Variants in CASD1 observed in about 807,000 individuals in gnomAD.
CASD1 encodes CAS1 domain sialic acid O acetyltransferase 1, also known as N-acetylneuraminate (7)9-O-acetyltransferase.
CASD1 carries 41 observed loss-of-function variants against 100.0 expected under a neutral mutation model. The ratio of observed to expected loss-of-function variants is 0.41; its 90% CI spans 0.32 to 0.53. CASD1 has a LOEUF of 0.53. CASD1 is among the 20% of genes least tolerant of loss of function. CASD1 has a pLI of 0.25. For missense variants in CASD1, 774 were observed against 948.7 expected (o/e 0.82, Z 2.42); for synonymous variants, 321 against 315.6 (o/e 1.02, Z -0.18).
At chr7:94,563,561 A>G in the CASD1 span, among the ~76,000 whole-genome samples, 1 of 152,080 alleles carries the variant, frequency 6.6e-6, no homozygotes, top group African/African-American at 2.4e-5. Context: ...CTAATTTTGC[A>G]AACACTTTTC....
Position 94,551,332 on chromosome 7 carries a change from T to C in CASD1, c.1816-6T>C. ...TTAAAACAAATTTTCTCTCTTTACTTTTCAGGTAGTTTTCCACGGAATGCT... is the reference window on the plus strand; with the variant it reads ...TTAAAACAAATTTTCTCTCTTTACTCTTCAGGTAGTTTTCCACGGAATGCT... On this transcript the variant is annotated splice_region_variant and splice_polypyrimidine_tract_variant and intron_variant, in intron 14 of 17. Coordinates refer to ENST00000297273, the MANE Select transcript of CASD1 (RefSeq NM_022900.5). 4.6e-6 allele frequency: 7 copies of C among 1,535,554 alleles called. No individual in the cohort carries two copies. The highest frequency in any genetic ancestry group is 6.1e-6 in the Non-Finnish European group (7 of 1,151,502).
In CASD1 at chr7:94,515,264, AC is replaced by A. The variant is rs1793919446; in HGVS notation, c.134-2295del. The stretch of plus-strand genomic sequence containing the variant: ...ATTTCAGATACAAGCCTTGTAAAAA[AC>A]ATCTTTGTGTTATGAAATATGTTAA... On this transcript the variant is annotated intron_variant, in intron 1 of 17. Transcript: ENST00000297273. Among the ~76,000 whole-genome samples, 3 of 152,226 alleles carry A rather than the reference AC, an allele frequency of 2.0e-5. No individual in the cohort carries two copies. The South Asian group carries it at 6.2e-4, about 32-fold the overall frequency.
chr7:94,576,005 C>T, the CASD1 span, among the ~76,000 whole-genome samples: 4 of 152,082 alleles, frequency 2.6e-5, no homozygotes, highest in Admixed American at 6.6e-5. Flanking sequence ...CTCTTGAATG[C>T]GTAATGTTTT....
At chr7:94,627,557 A>G in the CASD1 span, 1 of 152,296 alleles carries the variant, frequency 6.6e-6, no homozygotes, top group Admixed American at 6.6e-5. Flanking sequence ...GTTCTCTGAG[A>G]CCATGTGACT....
the CASD1 span, chr7:94,588,451 A>T: frequency 3.8e-6 from 5 of 1,329,286 alleles, no homozygotes; most frequent in East Asian, 1.6e-4. Context: ...CCTTAATTAG[A>T]CAGGACCTCC....
At chr7:94,598,589 C>A in the CASD1 span, 1 of 609,078 alleles carries the variant, frequency 1.6e-6, no homozygotes, top group East Asian at 2.8e-5. Flanking sequence ...AAAAAAAGTG[C>A]ATTTCCTAAA....
chr7:94,598,299 C>T, the CASD1 span: 13 of 178,598 alleles, frequency 7.3e-5, no homozygotes, highest in Non-Finnish European at 1.5e-4. Flanking sequence ...CAAATTGGAG[C>T]TGCTTGCTCT....
chr7:94,539,868 C>G (rs1258395557), intron 10 of CASD1, among the ~76,000 whole-genome samples: 1 of 152,086 alleles, frequency 6.6e-6, no homozygotes, highest in Non-Finnish European at 1.5e-5. Context: ...CCTCAGTATT[C>G]AAAGAATCCA....
At chr7:94,522,008 C>T (rs540179078) in intron 3 of CASD1, among the ~76,000 whole-genome samples, 4 of 152,238 alleles carry the variant, frequency 2.6e-5, no homozygotes, top group Non-Finnish European at 4.4e-5. Context: ...GGCGTGAACA[C>T]GGGAGGCGGA....
At chr7:94,516,733 T>G (rs1280997175) in intron 1 of CASD1, among the ~76,000 whole-genome samples, 1 of 150,986 alleles carries the variant, frequency 6.6e-6, no homozygotes, top group Non-Finnish European at 1.5e-5. Context: ...TACAGTAAAA[T>G]ATCCAAAAGT....
chr7:94,606,883 C>G, the CASD1 span, among the ~76,000 whole-genome samples: 1 of 152,176 alleles, frequency 6.6e-6, no homozygotes, highest in Non-Finnish European at 1.5e-5. Context: ...AAGGAGAAAT[C>G]TTGGATGAAA....
intron 13 of CASD1, among the ~76,000 whole-genome samples, chr7:94,548,183 A>G (rs1795769978): frequency 6.6e-6 from 1 of 151,810 alleles, no homozygotes; most frequent in South Asian, 2.1e-4. Flanking sequence ...GGTTCAATAT[A>G]AGGATTAAGA....
chr7:94,566,847 A>T, the CASD1 span, among the ~76,000 whole-genome samples: 7 of 152,140 alleles, frequency 4.6e-5, no homozygotes, highest in African/African-American at 1.4e-4. Flanking sequence ...GAGCAAATTC[A>T]GTTTCTTCCT....
chr7:94,564,221 C>T, the CASD1 span, among the ~76,000 whole-genome samples: 1 of 152,186 alleles, frequency 6.6e-6, no homozygotes, highest in Non-Finnish European at 1.5e-5. Context: ...TCTGCTCTAG[C>T]AATGAAACTG....
intron 1 of CASD1, among the ~76,000 whole-genome samples, chr7:94,512,483 A>G (rs1298253669): frequency 6.6e-6 from 1 of 152,224 alleles, no homozygotes; most frequent in Non-Finnish European, 1.5e-5. Flanking sequence ...CAGTTTGGAT[A>G]TACATATTCA....
the CASD1 span, chr7:94,618,892 G>A: frequency 6.2e-7 from 1 of 1,613,786 alleles, no homozygotes; most frequent in Non-Finnish European, 8.5e-7. Context: ...GAACCTCACT[G>A]GCCAACATTT....
chr7:94,530,947 T>C (rs1283052567), intron 5 of CASD1, among the ~76,000 whole-genome samples: 1 of 152,054 alleles, frequency 6.6e-6, no homozygotes. Context: ...CAAAACTTGC[T>C]AAGGTGGAAT....
chr7:94,513,422 A>G (rs1050323393), intron 1 of CASD1, among the ~76,000 whole-genome samples: 4 of 151,340 alleles, frequency 2.6e-5, no homozygotes, highest in African/African-American at 9.7e-5. Context: ...ACTTTTTGTT[A>G]CCTATGTTTT....
the CASD1 span, among the ~76,000 whole-genome samples, chr7:94,611,055 G>T: frequency 6.6e-6 from 1 of 152,168 alleles, no homozygotes; most frequent in Non-Finnish European, 1.5e-5. Context: ...TGGTGGAAAT[G>T]TAAAATGCAT....
Sources: gnomAD v4.1 joint callset for allele counts (sites outside exome capture counted in the v4.1 genomes callset) on GRCh38, gnomAD v4.1.1 for gene constraint, MANE v1.5 for transcripts, NCBI Gene and HGNC (gene_info 2026-07-23, HGNC 2026-07-21) for gene names.